The following PIEZO2 variants were observed in gnomAD, a reference collection of about 807,000 sequenced individuals.
PIEZO2 encodes the protein piezo type mechanosensitive ion channel component 2.
A neutral mutation model predicts 337.3 loss-of-function variants in PIEZO2; 172 were observed. The ratio of observed to expected loss-of-function variants is 0.51; its 90% CI spans 0.45 to 0.58. The LOEUF (loss-of-function observed/expected upper bound fraction) is 0.58. PIEZO2 is among the 20% of genes least tolerant of loss of function. PIEZO2 has a pLI of 0.00. For missense variants in PIEZO2, 3,028 were observed against 3,391.3 expected (o/e 0.89, Z 2.66); for synonymous variants, 1,251 against 1,228.5 (o/e 1.02, Z -0.38).
intron 15 of PIEZO2, among the ~76,000 whole-genome samples, chr18:10,788,475 G>GAAGA (rs1568058692): frequency 2.4e-5 from 3 of 125,808 alleles, no homozygotes; most frequent in African/African-American, 6.1e-5. Flanking sequence ...AGGAAGGAAG[G>GAAGA]AAGAAATAGA....
chr18:10,978,959 A>T (rs536390038), intron 3 of PIEZO2, among the ~76,000 whole-genome samples: 235 of 152,156 alleles, frequency 1.5e-3, no homozygotes, highest in Non-Finnish European at 1.2e-3. Context: ...ATGTATACTG[A>T]CTCTTTCAGA....
At position 11,048,936 on chromosome 18, in the gene PIEZO2, G is replaced by A. The variant is rs545337119; in HGVS notation, c.160+17191C>T. On this transcript the variant is annotated intron_variant, in intron 2 of 55. Transcript: ENST00000674853. This position sits in a 1 kb window ranked among gnomAD's most constrained non-coding sequence, Gnocchi z 4.5. ...TGTGAATCAACTCAAATTCAAATGG[G>A]TCTGTTTAGGCAAAATAGCTACAGA... Among the ~76,000 whole-genome samples the A allele has an allele frequency of 9.9e-5, 15 of 152,242 alleles. No homozygotes were observed. Among genetic ancestry groups the A allele is most frequent in the African/African-American group, 3.6e-4 (15 of 41,546 alleles).
intron 47 of PIEZO2, among the ~76,000 whole-genome samples, chr18:10,692,734 T>C (rs2034905788): frequency 6.6e-6 from 1 of 152,238 alleles, no homozygotes; most frequent in Non-Finnish European, 1.5e-5. Context: ...TTCGTCTGAA[T>C]CTTGAGGCTA....
chr18:10,821,268 C>T lies in PIEZO2; in HGVS notation c.918-13994G>A, dbSNP rs932292339. Among the ~76,000 whole-genome samples, 6 of 152,056 alleles carry T rather than the reference C, an allele frequency of 3.9e-5. No individual in the cohort carries two copies. The highest frequency in any genetic ancestry group is 1.4e-4 in the African/African-American group (6 of 41,388). On this transcript the variant is annotated intron_variant, in intron 7 of 55. Transcript: ENST00000674853. This position sits in a 1 kb window ranked among gnomAD's most constrained non-coding sequence, Gnocchi z 4.2. ...ATCCTTTAGCCTATCCTGTTGTTTC[C>T]CTTCTCTCAGCCATCATAAACCCAC...
intron 3 of PIEZO2, among the ~76,000 whole-genome samples, chr18:10,912,056 T>C (rs2030530994): frequency 2.6e-5 from 4 of 152,058 alleles, no homozygotes; most frequent in Admixed American, 2.6e-4. Flanking sequence ...ATTCACATAT[T>C]CTTTTTTTTT....
chr18:10,864,235 C>T (rs909413154), intron 5 of PIEZO2, among the ~76,000 whole-genome samples: 1 of 152,134 alleles, frequency 6.6e-6, no homozygotes, highest in Non-Finnish European at 1.5e-5. Context: ...TCCATCTATC[C>T]CTCCCTCCAC....
chr18:10,858,008 T>TCTTTC (rs201375159), intron 5 of PIEZO2, among the ~76,000 whole-genome samples: 1 of 148,206 alleles, frequency 6.7e-6, no homozygotes, highest in Non-Finnish European at 1.5e-5. Context: ...TTTCTTTCTT[T>TCTTTC]TTTTTTTTTT....
At chr18:10,848,365 C>T (rs1378312658) in intron 7 of PIEZO2, among the ~76,000 whole-genome samples, 3 of 152,154 alleles carry the variant, frequency 2.0e-5, no homozygotes, top group Non-Finnish European at 4.4e-5. Context: ...AGAAGAAACT[C>T]ATCATGCTAG....
Position 10,781,576 on chromosome 18 carries a change from T to C in PIEZO2, c.2493-1210A>G, listed in dbSNP as rs1353369051. 2.6e-5 allele frequency among the ~76,000 whole-genome samples: 4 copies of C among 152,264 alleles called. No individual in the cohort carries two copies. Among genetic ancestry groups the C allele is most frequent in the South Asian group, 2.1e-4 (1 of 4,832 alleles). On this transcript the variant is annotated intron_variant, in intron 17 of 55. Coordinates refer to ENST00000674853, the MANE Select transcript of PIEZO2 (RefSeq NM_001378183.1). This position sits in a 1 kb window ranked among gnomAD's most constrained non-coding sequence, Gnocchi z 4.1. ...GTTATACGTTATAATTCTTATAATA[T>C]GAAATTCTATCAATATATAGGTGAA...
Position 11,080,700 on chromosome 18 carries a change from C to T in PIEZO2, c.65-14478G>A, listed in dbSNP as rs545904060. Among the ~76,000 whole-genome samples, 9 of 152,192 alleles carry T rather than the reference C, an allele frequency of 5.9e-5. No homozygotes were observed. Among genetic ancestry groups the T allele is most frequent in the Admixed American group, 2.6e-4 (4 of 15,280 alleles). On this transcript the variant is annotated intron_variant, in intron 1 of 55. Coordinates refer to ENST00000674853, the MANE Select transcript of PIEZO2 (RefSeq NM_001378183.1). The surrounding 1 kb of genome is among the most constrained non-coding windows in gnomAD (Gnocchi z 5.4). The stretch of plus-strand genomic sequence containing the variant: ...CTCTACTAAAAATACAAAAATTAGC[C>T]GGGTGTGGTGGCATGTGCCTGTAGT...
rs2033778184 is a variant in PIEZO2, at chr18:10,671,599, G to A, written c.8526C>T (p.Leu2842=). 1.2e-6 allele frequency: 2 copies of A among 1,613,716 alleles called. No homozygotes were observed. The highest frequency in any genetic ancestry group is 1.3e-5 in the African/African-American group (1 of 74,890). Residue 2842 remains leucine, a synonymous_variant, in exon 56 of 56, where the codon CTC becomes CTT. Coordinates refer to ENST00000674853, the MANE Select transcript of PIEZO2 (RefSeq NM_001378183.1). ...GATATAGGAATATTAATTTGGCATAGAGATCTTCTTCTAGCTCCAGTTCTC... is the reference window on the plus strand; with the variant it reads ...GATATAGGAATATTAATTTGGCATAAAGATCTTCTTCTAGCTCCAGTTCTC... ...ETGELELEED[L]YAKLIFLYRS... is the part of the protein sequence containing the mutation.
chr18:10,690,183 G>T (rs2034746715), intron 48 of PIEZO2, among the ~76,000 whole-genome samples: 1 of 152,054 alleles, frequency 6.6e-6, no homozygotes, highest in Non-Finnish European at 1.5e-5. Context: ...TGGTGCACCT[G>T]GTAGGTTAAA....
chr18:10,866,986 C>A (rs2042023911), intron 5 of PIEZO2, among the ~76,000 whole-genome samples: 1 of 152,154 alleles, frequency 6.6e-6, no homozygotes, highest in Non-Finnish European at 1.5e-5. Flanking sequence ...CCTTAAGGAC[C>A]AGCAAAGGGA....
At chr18:10,817,480 T>A (rs1224701278) in intron 7 of PIEZO2, among the ~76,000 whole-genome samples, 1 of 152,230 alleles carries the variant, frequency 6.6e-6, no homozygotes. Context: ...AAAAAATTTA[T>A]AAGGCACAAT....
At position 10,929,439 on chromosome 18, in the gene PIEZO2, A is replaced by G. The variant is rs1402179769; in HGVS notation, c.287-18211T>C. Among the ~76,000 whole-genome samples, 1 of 152,232 alleles carries G rather than the reference A, an allele frequency of 6.6e-6. No homozygotes were observed. The highest frequency in any genetic ancestry group is 1.5e-5 in the Non-Finnish European group (1 of 68,048). On this transcript the variant is annotated intron_variant, in intron 3 of 55. Coordinates refer to ENST00000674853, the MANE Select transcript of PIEZO2 (RefSeq NM_001378183.1). The surrounding 1 kb of genome is among the most constrained non-coding windows in gnomAD (Gnocchi z 5.6). Reference sequence around the variant, plus strand: ...TCAGACATGTTTTCCCATATCTTTAAGTAAGATTGGAATGTTTGAACAAAA... The same window carrying G: ...TCAGACATGTTTTCCCATATCTTTAGGTAAGATTGGAATGTTTGAACAAAA...
rs56275136 is a variant in PIEZO2 at position 11,001,905 on chromosome 18, AGAAGGAAGGAAGGAAG to A, written c.161-22261_161-22246del. On this transcript the variant is annotated intron_variant, in intron 2 of 55. Coordinates refer to ENST00000674853, the MANE Select transcript of PIEZO2 (RefSeq NM_001378183.1). This position sits in a 1 kb window ranked among gnomAD's most constrained non-coding sequence, Gnocchi z 5.3. ...AAAAGGAGAAAAAGGGAAGGAAGGAAGAAGGAAGGAAGGAAGGAAGGAAGGAAGGAAGGAAGGAAGG... is the reference window on the plus strand; with the variant it reads ...AAAAGGAGAAAAAGGGAAGGAAGGAAGAAGGAAGGAAGGAAGGAAGGAAGG... Among the ~76,000 whole-genome samples, 33,767 of 139,246 alleles carry A rather than the reference AGAAGGAAGGAAGGAAG, an allele frequency of 0.24. 4,512 individuals carry two copies. Among genetic ancestry groups the A allele is most frequent in the Non-Finnish European group, 0.31 (20,174 of 65,828 alleles). The allele number at this position is 139,246 out of a possible 152,430, so 91.4% of individuals were successfully genotyped here. A position where few individuals can be genotyped will look rare whatever the true frequency, so the allele number is the denominator to read the frequency against.
chr18:11,104,716 G>C lies in PIEZO2; in HGVS notation c.65-38494C>G, dbSNP rs1481005887. On this transcript the variant is annotated intron_variant, in intron 1 of 55. Transcript: ENST00000674853. The surrounding 1 kb of genome is among the most constrained non-coding windows in gnomAD (Gnocchi z 4.6). Reference sequence around the variant, plus strand: ...AGCCAAGATGCCATGAACATGCAGGGCAGGCAAGAAATTAACCTTTGTTGT... The same window carrying C: ...AGCCAAGATGCCATGAACATGCAGGCCAGGCAAGAAATTAACCTTTGTTGT... 1.3e-5 allele frequency among the ~76,000 whole-genome samples: 2 copies of C among 152,258 alleles called. No individual in the cohort carries two copies. The highest frequency in any genetic ancestry group is 2.9e-5 in the Non-Finnish European group (2 of 68,048).
chr18:10,740,890 A>G, intron 33 of PIEZO2, 141 bp downstream of exon 33: 1 of 865,390 alleles, frequency 1.2e-6, no homozygotes, highest in Non-Finnish European at 1.9e-6. Flanking sequence ...TGACATTAAA[A>G]TTTTCCTACA....
At chr18:10,755,206 C>A (rs2143792299) in intron 27 of PIEZO2, among the ~76,000 whole-genome samples, 1 of 152,250 alleles carries the variant, frequency 6.6e-6, no homozygotes, top group Middle Eastern at 3.4e-3. Context: ...AAACAGGAAT[C>A]TCTGGAAGAT....
Sources: gnomAD v4.1 joint callset for allele counts (sites outside exome capture counted in the v4.1 genomes callset) on GRCh38, gnomAD v4.1.1 for gene constraint, Gnocchi (gnomAD v3.1) non-coding constraint, MANE v1.5 for transcripts, NCBI Gene and HGNC (gene_info 2026-07-23, HGNC 2026-07-21) for gene names.